The following SCN8A variants were observed in gnomAD, a reference collection of about 807,000 sequenced individuals.
The protein encoded by SCN8A is sodium voltage-gated channel alpha subunit 8.
In SCN8A, 30 loss-of-function variants were observed where a neutral mutation model predicts 184.1. The ratio of observed to expected loss-of-function variants is 0.16; its 90% confidence interval spans 0.12 to 0.22. The LOEUF (loss-of-function observed/expected upper bound fraction) is 0.22. SCN8A is among the 10% of genes least tolerant of loss of function. The pLI, the probability that SCN8A is intolerant of heterozygous loss-of-function variation, is 1.00. For synonymous variants in SCN8A, 852 were observed against 907.0 expected (o/e 0.94, Z 1.09); for missense variants, 1,057 against 2,498.9 (o/e 0.42, Z 12.30).
chr12:51,650,058 G>C (rs1006467561), intron 1 of SCN8A, among the ~76,000 whole-genome samples: 1 of 152,156 alleles, frequency 6.6e-6, no homozygotes, highest in Non-Finnish European at 1.5e-5. Flanking sequence ...AAGTTCCACA[G>C]ATCTCTAGGG....
intron 1 of SCN8A, among the ~76,000 whole-genome samples, chr12:51,634,904 C>T (rs529363901): frequency 6.6e-6 from 1 of 152,176 alleles, no homozygotes; most frequent in Non-Finnish European, 1.5e-5. Context: ...CCTGCTTTGG[C>T]CTCCCAAAGT....
At chr12:51,601,051 C>G (rs1026967151) in intron 1 of SCN8A, among the ~76,000 whole-genome samples, 25 of 152,112 alleles carry the variant, frequency 1.6e-4, no homozygotes, top group African/African-American at 6.0e-4. Flanking sequence ...TCTGTGCAAT[C>G]CCATTATAAG....
intron 14 of SCN8A, among the ~76,000 whole-genome samples, chr12:51,762,062 G>A (rs1942770701): frequency 6.6e-6 from 1 of 152,178 alleles, no homozygotes; most frequent in Non-Finnish European, 1.5e-5. Context: ...TGTGGCAAAT[G>A]TCTGGGTTTG....
chr12:51,751,743 C>A, intron 14 of SCN8A, 150 bp downstream of exon 14: 1 of 632,626 alleles, frequency 1.6e-6, no homozygotes, highest in South Asian at 2.1e-5. Context: ...AGGACACCAG[C>A]TGCTTTTCTG....
chr12:51,645,233 G>C (rs1225118171), intron 1 of SCN8A, among the ~76,000 whole-genome samples: 1 of 144,584 alleles, frequency 6.9e-6, no homozygotes, highest in African/African-American at 2.6e-5. Context: ...CCGGCCAGCC[G>C]CCCCATCCGG....
chr12:51,653,476 T>C (rs1940759642), intron 1 of SCN8A, among the ~76,000 whole-genome samples: 1 of 152,212 alleles, frequency 6.6e-6, no homozygotes, highest in African/African-American at 2.4e-5. Context: ...TTTTCAAGAT[T>C]CCTCCATGTT....
chr12:51,780,121 CT>C (rs1937848358), intron 20 of SCN8A: 11 of 384,626 alleles, frequency 2.9e-5, no homozygotes, highest in Middle Eastern at 3.6e-4. Context: ...GCTTGTCCCT[CT>C]TGGAAAGCCA....
chr12:51,722,079 C>T, intron 12 of SCN8A, 171 bp downstream of exon 12: 1 of 974,132 alleles, frequency 1.0e-6, no homozygotes, highest in Non-Finnish European at 1.5e-6. Context: ...TTTCTGTGTT[C>T]TTCCTGGCCT....
In SCN8A at chr12:51,783,954, A is replaced by T. The variant is rs770395315; in HGVS notation, c.3943-2588A>T. On this transcript the variant is annotated intron_variant, in intron 21 of 26. Transcript: ENST00000627620. ...GATTACTAAAACCTAGCTTTGAGTG[A>T]TATTTCCATGTCTAGTTCTTAACAA... Among the ~76,000 whole-genome samples, 3 of 152,244 alleles carry T rather than the reference A, an allele frequency of 2.0e-5. No individual in the cohort carries two copies. In the East Asian group the frequency reaches 5.8e-4, roughly 29 times the overall value.
rs775833241 is a variant in SCN8A at position 51,769,099 on chromosome 12, G to A, written c.3136G>A (p.Ala1046Thr). The A allele has an allele frequency of 3.3e-5, 54 of 1,613,490 alleles. No homozygotes were observed. Among genetic ancestry groups the A allele is most frequent in the East Asian group, 4.5e-5 (2 of 44,882 alleles). Reference protein sequence around the residue: ...ELYEKKANCIANHTGADIHRN... With the variant: ...ELYEKKANCITNHTGADIHRN... ...GTATGAAAAGAAGGCCAACTGTATC[G>A]CCAATCACACCGGTGCAGACATCCA... Residue 1046 changes from alanine to threonine, a missense_variant, in exon 17 of 27, where the codon GCC becomes ACC. By Grantham distance (58) the Ala-to-Thr change is moderately conservative. Around this residue, in one of 19 missense-constraint regions of SCN8A, gnomAD observed 178 missense variants for 259.6 expected, o/e 0.69. Coordinates refer to ENST00000627620, the MANE Select transcript of SCN8A (RefSeq NM_001330260.2).
chr12:51,666,494 C>G (rs955316772), intron 2 of SCN8A, among the ~76,000 whole-genome samples: 1 of 152,192 alleles, frequency 6.6e-6, no homozygotes, highest in Non-Finnish European at 1.5e-5. Flanking sequence ...ACCCACAAAT[C>G]AAAAAGTCAT....
intron 12 of SCN8A, among the ~76,000 whole-genome samples, chr12:51,742,865 C>G (rs1942450317): frequency 6.6e-6 from 1 of 152,098 alleles, no homozygotes. Flanking sequence ...TTTGCTAGAT[C>G]TTGCAGGTGT....
At position 51,769,054 on chromosome 12, in the gene SCN8A, G is replaced by A; in HGVS notation, c.3091G>A (p.Val1031Met). The change falls in exon 17 of 27, where the codon GTG becomes ATG. Residue 1031 changes from valine (V) to methionine (M), a missense_variant. This residue lies in a region of SCN8A where 178 missense variants were observed against 259.6 expected (regional missense o/e 0.69). Transcript: ENST00000627620. The stretch of plus-strand genomic sequence containing the variant: ...CTTTAAGCAGCGTGAGGCTGATGAG[G>A]TGAAGCCTCTGGATGAGTTGTATGA... The part of the protein sequence containing the change: ...AHFKQREADE[V>M]KPLDELYEKK... 6.2e-7 allele frequency: 1 copy of A among 1,614,030 alleles called. No homozygotes were observed.
intron 7 of SCN8A, among the ~76,000 whole-genome samples, chr12:51,700,432 A>G (rs1256189433): frequency 2.0e-5 from 3 of 152,304 alleles, no homozygotes; most frequent in Admixed American, 6.5e-5. Context: ...GAATGTATCT[A>G]TGGAACTCAA....
chr12:51,647,878 C>T (rs1940625591), intron 1 of SCN8A, among the ~76,000 whole-genome samples: 1 of 152,184 alleles, frequency 6.6e-6, no homozygotes, highest in African/African-American at 2.4e-5. Flanking sequence ...AGAGCTGCTC[C>T]TCTGGCTAAT....
At chr12:51,618,457 CAACACA>C (rs1433377825) in intron 1 of SCN8A, among the ~76,000 whole-genome samples, 4 of 84,520 alleles carry the variant, frequency 4.7e-5, no homozygotes, top group African/African-American at 2.0e-4. Flanking sequence ...GATACCAGAG[CAACACA>C]CACACACACA....
intron 15 of SCN8A, among the ~76,000 whole-genome samples, chr12:51,763,899 T>G (rs1942798819): frequency 6.6e-6 from 1 of 152,226 alleles, no homozygotes; most frequent in Non-Finnish European, 1.5e-5. Flanking sequence ...AAGAAAGAAC[T>G]GGAAAAAGTG....
intron 1 of SCN8A, among the ~76,000 whole-genome samples, chr12:51,629,582 CAAAAAAAAAAAA>C (rs71092711): frequency 1.5e-5 from 2 of 129,558 alleles, no homozygotes; most frequent in African/African-American, 6.3e-5. Flanking sequence ...ATCAGTTTTG[CAAAAAAAAAAAA>C]AAAAAAAAAA....
chr12:51,699,888 C>A, intron 7 of SCN8A, 97 bp downstream of exon 7: 1 of 1,047,156 alleles, frequency 9.5e-7, no homozygotes, highest in Non-Finnish European at 1.4e-6. Context: ...AGTTGGAGGC[C>A]GGGCGCGGTG....
Sources: allele counts gnomAD v4.1 joint callset (sites outside exome capture counted in the v4.1 genomes callset), GRCh38; gene constraint gnomAD v4.1.1; regional missense constraint gnomAD v4.1.1; transcripts MANE v1.5; gene names NCBI Gene and HGNC (gene_info 2026-07-23, HGNC 2026-07-21).